Variants in ATP12A observed in about 807,000 individuals in gnomAD.
ATP12A encodes the protein potassium-transporting ATPase alpha chain 2.
A neutral mutation model predicts 111.2 loss-of-function variants in ATP12A; 81 were observed. That is an observed-to-expected ratio of 0.73 (90% CI 0.61 to 0.88). The LOEUF (loss-of-function observed/expected upper bound fraction) is 0.88, where lower values mean the gene tolerates loss of function less well. Ranked by LOEUF, ATP12A falls within the 40% of genes least tolerant of loss-of-function variation. The pLI is 0.00. For missense variants in ATP12A, 1,196 were observed against 1,313.1 expected (o/e 0.91, Z 1.38); for synonymous variants, 498 against 499.8 (o/e 1.00, Z 0.05).
intron 11 of ATP12A, among the ~76,000 whole-genome samples, chr13:24,695,265 C>T (rs374945255): frequency 6.6e-6 from 1 of 152,208 alleles, no homozygotes; most frequent in African/African-American, 2.4e-5. Flanking sequence ...GTGACAGCCC[C>T]GTCGTTTTCT....
At chr13:24,707,233 C>T in intron 16 of ATP12A, 42 bp downstream of exon 16, 2 of 1,613,526 alleles carry the variant, frequency 1.2e-6, no homozygotes, top group Non-Finnish European at 8.5e-7. Flanking sequence ...CCAGGGTGGT[C>T]TGGGGGACTA....
intron 17 of ATP12A, 62 bp from the exon 18 acceptor site, chr13:24,709,302 C>CCA: frequency 7.3e-7 from 1 of 1,373,746 alleles, no homozygotes; most frequent in Non-Finnish European, 9.8e-7. Context: ...CAGCCCCCCT[C>CCA]CCCTACTGTG....
At chr13:24,686,663 T>C (rs574600458) in intron 3 of ATP12A, among the ~76,000 whole-genome samples, 63 of 151,164 alleles carry the variant, frequency 4.2e-4, no homozygotes, top group Admixed American at 7.9e-4. Context: ...GGCGTGAACC[T>C]GGGAGGCGGA....
intron 3 of ATP12A, among the ~76,000 whole-genome samples, chr13:24,686,131 G>A (rs894209029): frequency 6.6e-6 from 1 of 152,168 alleles, no homozygotes; most frequent in Non-Finnish European, 1.5e-5. Context: ...ATGAGGATCT[G>A]AAATAATGTC....
intron 18 of ATP12A, 56 bp from the exon 19 acceptor site, chr13:24,709,627 A>G: frequency 6.2e-7 from 1 of 1,602,144 alleles, no homozygotes; most frequent in South Asian, 1.1e-5. Context: ...AGACAGGATG[A>G]GGCAGTTTCC....
chr13:24,688,498 C>G lies in ATP12A; in HGVS notation c.408C>G (p.Ser136Arg). 3.1e-6 allele frequency: 5 copies of G among 1,603,664 alleles called. No individual in the cohort carries two copies. Among genetic ancestry groups the G allele is most frequent in the Non-Finnish European group, 4.3e-6 (5 of 1,173,156 alleles). The change falls in exon 4 of 23, where the codon AGC becomes AGG. Residue 136 changes from serine (S) to arginine (R), a missense_variant. Transcript: ENST00000381946. The stretch of plus-strand genomic sequence containing the variant: ...TTGCATATGGGATTCAGTACTCCAG[C>G]GACAAGTCTGCATCCCTGAACAACG... ...CWIAYGIQYS[S>R]DKSASLNNVY...
At chr13:24,698,626 G>T in intron 11 of ATP12A, 32 bp from the exon 12 acceptor site, 1 of 1,602,328 alleles carries the variant, frequency 6.2e-7, no homozygotes. Context: ...TCACCTTTCT[G>T]TAAGTAACAC....
Position 24,690,464 on chromosome 13 carries a change from G to A in ATP12A, c.673G>A (p.Gly225Arg). 1 of 1,613,800 alleles carries A rather than the reference G, an allele frequency of 6.2e-7. No homozygotes were observed. The highest frequency in any genetic ancestry group is 8.5e-7 in the Non-Finnish European group (1 of 1,179,916). The change falls in exon 6 of 23, where the codon GGG becomes AGG. Residue 225 changes from glycine (G) to arginine (R), a missense_variant. Physicochemically the swap from Gly to Arg is moderately radical, Grantham distance 125. Coordinates refer to ENST00000381946, the MANE Select transcript of ATP12A (RefSeq NM_001676.7). ...PADIRVLSSQ[G>R]CRVDNSSLTG... is the part of the protein sequence containing the mutation. ...AGACATCAGGGTGCTGTCTTCTCAG[G>A]GGTGTCGGGTAAGCGGCAAGGGGTA...
intron 20 of ATP12A, 23 bp downstream of exon 20, chr13:24,710,616 T>A: frequency 6.2e-7 from 1 of 1,613,844 alleles, no homozygotes; most frequent in Non-Finnish European, 8.5e-7. Context: ...CCCGGCCTCC[T>A]GGGGCAGCCC....
chr13:24,699,255 C>T (rs1027576264), intron 12 of ATP12A, among the ~76,000 whole-genome samples: 1 of 152,102 alleles, frequency 6.6e-6, no homozygotes, highest in African/African-American at 2.4e-5. Context: ...GACTGGAGGT[C>T]ATGAGATGGA....
rs575023058 is a variant in ATP12A at position 24,708,963 on chromosome 13, A to G, written c.2494-401A>G. On this transcript the variant is annotated intron_variant, in intron 17 of 22. Coordinates refer to ENST00000381946, the MANE Select transcript of ATP12A (RefSeq NM_001676.7). ...AAAGAAAGAAAGAAAGAAAGAAAGAAGGAAAGAGAAAGAGAAATGAATGCA... is the reference window on the plus strand; with the variant it reads ...AAAGAAAGAAAGAAAGAAAGAAAGAGGGAAAGAGAAAGAGAAATGAATGCA... Among the ~76,000 whole-genome samples the G allele has an allele frequency of 4.6e-5, 5 of 109,812 alleles. No homozygotes were observed. In the East Asian group the frequency reaches 1.5e-3, roughly 33 times the overall value. 72.0% of individuals were successfully genotyped at this position (109,812 alleles called of 152,430 possible). A position where few individuals can be genotyped will look rare whatever the true frequency, so the allele number is the denominator to read the frequency against.
intron 10 of ATP12A, among the ~76,000 whole-genome samples, chr13:24,693,463 T>G (rs1418046890): frequency 6.6e-6 from 1 of 152,150 alleles, no homozygotes; most frequent in Non-Finnish European, 1.5e-5. Flanking sequence ...TCTTATTTTT[T>G]TGTTTGTTTG....
At position 24,682,431 on chromosome 13, in the gene ATP12A, T is replaced by C. The variant is rs535332516; in HGVS notation, c.168+711T>C. On this transcript the variant is annotated intron_variant, in intron 2 of 22. Coordinates refer to ENST00000381946, the MANE Select transcript of ATP12A (RefSeq NM_001676.7). ...TGTGTGTGTGTTTTGAATGGTGTGA[T>C]AGTATCCACCCAGAGGTCAGGGCCT... Among the ~76,000 whole-genome samples, 8 of 135,968 alleles carry C rather than the reference T, an allele frequency of 5.9e-5. No homozygotes were observed. In the South Asian group the frequency reaches 1.7e-3, roughly 29 times the overall value. 89.2% of individuals were successfully genotyped at this position (135,968 alleles called of 152,430 possible). A position where few individuals can be genotyped will look rare whatever the true frequency, so the allele number is the denominator to read the frequency against.
At chr13:24,691,500 G>T (rs1025096209) in intron 8 of ATP12A, among the ~76,000 whole-genome samples, 2 of 152,136 alleles carry the variant, frequency 1.3e-5, no homozygotes, top group Non-Finnish European at 2.9e-5. Context: ...AGCTTACTCT[G>T]CCCCATAAGA....
intron 14 of ATP12A, among the ~76,000 whole-genome samples, chr13:24,703,887 G>T (rs1274069338): frequency 6.9e-6 from 1 of 145,302 alleles, no homozygotes; most frequent in Non-Finnish European, 1.5e-5. Context: ...TGCCTAGGCT[G>T]GAGTGTGGAG....
chr13:24,711,298 T>A lies in ATP12A; in HGVS notation c.3000-20T>A, dbSNP rs750507881. The A allele has an allele frequency of 3.2e-5, 51 of 1,578,850 alleles. No homozygotes were observed. The highest frequency in any genetic ancestry group is 1.1e-4 in the Admixed American group (6 of 55,458). ...CCCTGTGGATGAGTCAGGGTTCACT[T>A]TCCATCCCTTTGCTTCCAGGGCTCA... On this transcript the variant is annotated intron_variant, in intron 21 of 22. Transcript: ENST00000381946.
intron 10 of ATP12A, 47 bp from the exon 11 acceptor site, chr13:24,694,397 G>T: frequency 6.2e-7 from 1 of 1,609,176 alleles, no homozygotes; most frequent in East Asian, 2.2e-5. Flanking sequence ...AGGGCATGTT[G>T]GTTCATTAAA....
At chr13:24,706,914 A>G (rs1875677322) in intron 15 of ATP12A, 109 bp from the exon 16 acceptor site, 8 of 1,267,452 alleles carry the variant, frequency 6.3e-6, no homozygotes, top group Middle Eastern at 1.9e-4. Context: ...CCGTTCAGCT[A>G]TAATCATCCT....
At chr13:24,711,262 G>T in intron 21 of ATP12A, 56 bp from the exon 22 acceptor site, 1 of 1,500,930 alleles carries the variant, frequency 6.7e-7, no homozygotes, top group South Asian at 1.2e-5. Flanking sequence ...CATTGGGCAG[G>T]GTTGGGCTAT....
Sources: gnomAD v4.1 joint callset for allele counts (sites outside exome capture counted in the v4.1 genomes callset) on GRCh38, gnomAD v4.1.1 for gene constraint, MANE v1.5 for transcripts, NCBI Gene and HGNC (gene_info 2026-07-23, HGNC 2026-07-21) for gene names.